MEGF10: variants seen among roughly 807,000 people sequenced by gnomAD.
MEGF10 encodes the protein multiple EGF like domains 10, also known as multiple epidermal growth factor-like domains protein 10.
A neutral mutation model predicts 147.5 loss-of-function variants in MEGF10; 86 were observed. That is an observed-to-expected ratio of 0.58 (90% CI 0.49 to 0.70). The LOEUF (loss-of-function observed/expected upper bound fraction) is 0.70. MEGF10 is among the 30% of genes least tolerant of loss of function. MEGF10 has a pLI of 0.00. For missense variants in MEGF10, 1,329 were observed against 1,487.3 expected, an observed-to-expected ratio of 0.89 and a Z score of 1.75; for synonymous variants, 478 against 525.5, an observed-to-expected ratio of 0.91 and a Z score of 1.24.
At position 127,417,645 on chromosome 5, in the gene MEGF10, C is replaced by G. The variant is rs765082454; in HGVS notation, c.1138C>G (p.Pro380Ala). Residue 380 changes from proline to alanine, a missense_variant, in exon 10 of 25, where the codon CCC (proline) becomes GCC (alanine). By Grantham distance (27) the Pro-to-Ala change is conservative. This residue lies in a region of MEGF10 where 980 missense variants were observed against 1,085.9 expected (regional missense o/e 0.90). Coordinates refer to ENST00000503335, the MANE Select transcript of MEGF10 (RefSeq NM_001256545.2). ...TTCATCCATGTCTCTCAGCTGTCAC[C>G]CCATGTCTGGAGAGTGTGCCTGCAA... is the stretch of plus-strand genomic sequence containing the variant. Reference protein sequence around the residue: ...CHLENTHSCHPMSGECACKPG... With the variant: ...CHLENTHSCHAMSGECACKPG... The G allele has an allele frequency of 6.2e-7, 1 of 1,614,152 alleles. No homozygotes were observed. Among genetic ancestry groups the G allele is most frequent in the South Asian group, 1.1e-5 (1 of 91,082 alleles).
intron 8 of MEGF10, 135 bp downstream of exon 8, chr5:127,402,817 A>C (rs1764184107): frequency 3.7e-6 from 3 of 812,940 alleles, no homozygotes; most frequent in Middle Eastern, 3.5e-4. Flanking sequence ...TACAGCCTCA[A>C]TGTGTTTGAC....
chr5:127,429,114 T>C (rs949545532), intron 13 of MEGF10, among the ~76,000 whole-genome samples: 3 of 152,242 alleles, frequency 2.0e-5, no homozygotes, highest in Admixed American at 1.3e-4. Flanking sequence ...GATTTAAACC[T>C]ACCCCCTTCC....
chr5:127,273,085 C>T, the MEGF10 span, among the ~76,000 whole-genome samples: 2 of 152,188 alleles, frequency 1.3e-5, no homozygotes, highest in Non-Finnish European at 2.9e-5. Flanking sequence ...GATCCTGGGG[C>T]TGGAGTATGT....
the MEGF10 span, among the ~76,000 whole-genome samples, chr5:127,285,266 T>G: frequency 1.3e-5 from 2 of 152,112 alleles, no homozygotes; most frequent in African/African-American, 4.8e-5. Context: ...AAGAGTTAGC[T>G]CCACCAAGCC....
intron 1 of MEGF10, among the ~76,000 whole-genome samples, chr5:127,330,233 A>G (rs1163825873): frequency 6.6e-6 from 1 of 152,122 alleles, no homozygotes; most frequent in Non-Finnish European, 1.5e-5. Context: ...GCTCACAGTC[A>G]TGTCTTACCT....
the MEGF10 span, among the ~76,000 whole-genome samples, chr5:127,277,703 T>C: frequency 6.6e-6 from 1 of 152,042 alleles, no homozygotes; most frequent in African/African-American, 2.4e-5. Context: ...AATTCAGGGG[T>C]AATGATGAAG....
rs138233141 is a variant in MEGF10 at position 127,445,548 on chromosome 5, C to G, written c.2583C>G (p.Gly861=). ...ADSYQIGAIA[G]IIILVLVVLF... is the part of the protein sequence containing the mutation. The stretch of plus-strand genomic sequence containing the variant: ...CCTACCAGATCGGGGCCATTGCAGG[C>G]ATCATCATTCTTGTCCTAGTTGTTC... The change falls in exon 20 of 25, where the codon GGC becomes GGG. Residue 861 remains glycine, a synonymous_variant. Coordinates refer to ENST00000503335, the MANE Select transcript of MEGF10 (RefSeq NM_001256545.2). 2 of 1,614,064 alleles carry G rather than the reference C, an allele frequency of 1.2e-6. No individual in the cohort carries two copies. The highest frequency in any genetic ancestry group is 1.7e-6 in the Non-Finnish European group (2 of 1,179,988).
At chr5:127,236,094 T>C in the MEGF10 span, among the ~76,000 whole-genome samples, 1 of 152,050 alleles carries the variant, frequency 6.6e-6, no homozygotes, top group African/African-American at 2.4e-5. Context: ...TGCCTCAGCC[T>C]CCCAAGTAGC....
Position 127,458,902 on chromosome 5 carries a change from G to A in MEGF10, c.*1584G>A, listed in dbSNP as rs187137999. ...GCATTATTAATAATTATCTTGTAAT[G>A]AACTTAAATCTGGACTGTTCCAGGC... On this transcript the variant is annotated 3_prime_UTR_variant, in exon 25 of 25. Transcript: ENST00000503335. 7 of 152,254 alleles carry A rather than the reference G, an allele frequency of 4.6e-5. No homozygotes were observed. Among genetic ancestry groups the A allele is most frequent in the Admixed American group, 2.6e-4 (4 of 15,276 alleles). 9.4% of individuals were successfully genotyped at this position (152,254 alleles called of 1,614,324 possible). A position where few individuals can be genotyped will look rare whatever the true frequency, so the allele number is the denominator to read the frequency against.
intron 9 of MEGF10, among the ~76,000 whole-genome samples, chr5:127,411,836 A>G (rs1373978859): frequency 6.6e-6 from 1 of 152,238 alleles, no homozygotes; most frequent in Non-Finnish European, 1.5e-5. Context: ...CCTTTCCTAC[A>G]GTATAAGTCT....
chr5:127,419,402 G>T (rs916411683), intron 11 of MEGF10, among the ~76,000 whole-genome samples, 162 bp downstream of exon 11: 1 of 152,174 alleles, frequency 6.6e-6, no homozygotes, highest in Non-Finnish European at 1.5e-5. Context: ...ACGCTTTCCT[G>T]AGTGAAGGGA....
intron 18 of MEGF10, among the ~76,000 whole-genome samples, chr5:127,442,504 T>G (rs1561649756): frequency 6.6e-6 from 1 of 152,132 alleles, no homozygotes; most frequent in Non-Finnish European, 1.5e-5. Flanking sequence ...CAGCAAAACT[T>G]GTTGTTTGCA....
At chr5:127,410,659 C>A in intron 9 of MEGF10, 58 bp downstream of exon 9, 1 of 1,463,338 alleles carries the variant, frequency 6.8e-7, no homozygotes, top group Non-Finnish European at 9.3e-7. Context: ...CCTTGGTTTT[C>A]AGGATTTGGA....
At chr5:127,389,365 T>C (rs550184735) in intron 5 of MEGF10, among the ~76,000 whole-genome samples, 1 of 152,304 alleles carries the variant, frequency 6.6e-6, no homozygotes, top group African/African-American at 2.4e-5. Flanking sequence ...AGTGTGGTGA[T>C]TCCTCAAAGA....
chr5:127,391,990 C>A (rs931446605), intron 5 of MEGF10, among the ~76,000 whole-genome samples: 2 of 152,024 alleles, frequency 1.3e-5, no homozygotes, highest in East Asian at 1.9e-4. Flanking sequence ...ATCGTGAGAC[C>A]CCATCTCTAC....
intron 16 of MEGF10, among the ~76,000 whole-genome samples, 163 bp from the exon 17 acceptor site, chr5:127,438,276 C>T (rs1304969145): frequency 1.3e-5 from 2 of 152,148 alleles, no homozygotes; most frequent in Non-Finnish European, 2.9e-5. Flanking sequence ...GTTGCCATGG[C>T]CATCTGGGAT....
At chr5:127,282,945 C>A in the MEGF10 span, among the ~76,000 whole-genome samples, 3 of 152,188 alleles carry the variant, frequency 2.0e-5, no homozygotes, top group Non-Finnish European at 4.4e-5. Context: ...GCAGGGACAG[C>A]CTGACCAGAT....
chr5:127,330,837 A>C (rs6862045), intron 1 of MEGF10, among the ~76,000 whole-genome samples: 1 of 152,152 alleles, frequency 6.6e-6, no homozygotes, highest in Non-Finnish European at 1.5e-5. Flanking sequence ...TGAATCTCAG[A>C]TTGAGCCTGA....
At chr5:127,341,032 G>A (rs1338605063) in intron 4 of MEGF10, among the ~76,000 whole-genome samples, 1 of 152,062 alleles carries the variant, frequency 6.6e-6, no homozygotes, top group African/African-American at 2.4e-5. Flanking sequence ...ATTCTTTTCT[G>A]GTGCACAGAA....
Sources: gnomAD v4.1 joint callset for allele counts (sites outside exome capture counted in the v4.1 genomes callset) on GRCh38, gnomAD v4.1.1 for gene constraint, gnomAD v4.1.1 regional missense constraint, MANE v1.5 for transcripts, NCBI Gene and HGNC (gene_info 2026-07-23, HGNC 2026-07-21) for gene names.